The following PCSK5 variants were observed in gnomAD, a reference collection of about 807,000 sequenced individuals.
The protein encoded by PCSK5 is prohormone convertase 5.
PCSK5 carries 129 observed loss-of-function variants against 233.2 expected under a neutral mutation model. The ratio of observed to expected loss-of-function variants is 0.55; its 90% CI spans 0.48 to 0.64. The LOEUF (loss-of-function observed/expected upper bound fraction) is 0.64. Ranked by LOEUF, PCSK5 falls within the 30% of genes least tolerant of loss-of-function variation. The probability of loss-of-function intolerance (pLI) is 0.00; values close to 1 mark genes in which losing one functional copy is unlikely to be tolerated. For synonymous variants in PCSK5, 825 were observed against 879.2 expected, an observed-to-expected ratio of 0.94 and a Z score of 1.09; for missense variants, 2,076 against 2,430.1, an observed-to-expected ratio of 0.85 and a Z score of 3.06.
At chr9:75,973,585 G>C (rs568701056) in intron 2 of PCSK5, among the ~76,000 whole-genome samples, 5 of 152,306 alleles carry the variant, frequency 3.3e-5, no homozygotes, top group Non-Finnish European at 7.4e-5. Flanking sequence ...TGGCCTCCTG[G>C]ATCTCCGGGA....
At chr9:76,012,163 T>C (rs1183055261) in intron 3 of PCSK5, among the ~76,000 whole-genome samples, 3 of 152,214 alleles carry the variant, frequency 2.0e-5, no homozygotes, top group Admixed American at 2.0e-4. Context: ...GTTTCGACAG[T>C]TTACAGATGT....
At position 76,239,203 on chromosome 9, in the gene PCSK5, A is replaced by ATGGGAGGAGGGGC. The variant is rs759687426; in HGVS notation, c.3073+41_3073+53dup. The ATGGGAGGAGGGGC allele has an allele frequency of 4.9e-5, 74 of 1,497,474 alleles. 1 individual carries two copies. In the South Asian group the frequency reaches 8.1e-4, roughly 16 times the overall value. 92.8% of individuals were successfully genotyped at this position (1,497,474 alleles called of 1,614,324 possible). Reference sequence around the variant, plus strand: ...CTGGGCCCTTGCCCAGCACCCGAACATGGGAGGAGGGGCTGCACCCTGGAT... The same window carrying ATGGGAGGAGGGGC: ...CTGGGCCCTTGCCCAGCACCCGAACATGGGAGGAGGGGCTGGGAGGAGGGGCTGCACCCTGGAT... On this transcript the variant is annotated intron_variant, in intron 23 of 37. Transcript: ENST00000674117.
intron 3 of PCSK5, among the ~76,000 whole-genome samples, chr9:76,005,096 T>G (rs1432962005): frequency 6.6e-6 from 1 of 152,230 alleles, no homozygotes; most frequent in Non-Finnish European, 1.5e-5. Context: ...GAATCATAGT[T>G]ATTAACCATA....
intron 33 of PCSK5, among the ~76,000 whole-genome samples, chr9:76,330,177 TCC>T (rs1039716935): frequency 1.6e-4 from 25 of 152,056 alleles, no homozygotes; most frequent in Non-Finnish European, 7.4e-5. Flanking sequence ...GATTAAGAAA[TCC>T]CTCTTGAGCA....
At chr9:76,285,925 T>C (rs1013409139) in intron 24 of PCSK5, among the ~76,000 whole-genome samples, 3 of 152,180 alleles carry the variant, frequency 2.0e-5, no homozygotes, top group African/African-American at 7.2e-5. Context: ...AACTATTAAA[T>C]TTCTTTGGTA....
intron 10 of PCSK5, among the ~76,000 whole-genome samples, chr9:76,148,340 A>G (rs1587687597): frequency 2.7e-5 from 2 of 74,810 alleles, no homozygotes; most frequent in Admixed American, 1.4e-4. Context: ...AGAGGGAGGG[A>G]GTTTCTCTCT....
intron 21 of PCSK5, among the ~76,000 whole-genome samples, chr9:76,230,162 G>T (rs1380168894): frequency 6.6e-6 from 1 of 152,126 alleles, no homozygotes. Context: ...CAATATTTTG[G>T]GGGGAGGTTG....
At chr9:75,902,248 AG>A (rs1826076087) in intron 1 of PCSK5, among the ~76,000 whole-genome samples, 1 of 146,642 alleles carries the variant, frequency 6.8e-6, no homozygotes, top group African/African-American at 2.6e-5. Flanking sequence ...AAAAAAGAAA[AG>A]GACAAAACAA....
intron 8 of PCSK5, among the ~76,000 whole-genome samples, chr9:76,102,409 G>A (rs999911887): frequency 2.6e-5 from 4 of 152,088 alleles, no homozygotes; most frequent in African/African-American, 9.7e-5. Context: ...TGCTCATTGT[G>A]GTAGTTTTAG....
chr9:76,189,171 A>G lies in PCSK5; in HGVS notation c.2458A>G (p.Ile820Val), dbSNP rs1824245480. The G allele has an allele frequency of 6.2e-7, 1 of 1,608,676 alleles. No individual in the cohort carries two copies. The highest frequency in any genetic ancestry group is 1.3e-5 in the African/African-American group (1 of 74,846). The change falls in exon 19 of 38, where the codon ATC (isoleucine) becomes GTC (valine). Residue 820 changes from isoleucine (I) to valine (V), a missense_variant. Coordinates refer to ENST00000674117, the MANE Select transcript of PCSK5 (RefSeq NM_001372043.1). Reference sequence around the variant, plus strand: ...TGGGAGATGCGTGCAGAGCTGTAGTATCAGCTATTACTTTGACCACTCTTC... The same window carrying G: ...TGGGAGATGCGTGCAGAGCTGTAGTGTCAGCTATTACTTTGACCACTCTTC... ...EDGRCVQSCS[I>V]SYYFDHSSEN...
chr9:76,266,693 C>T (rs1827343215), intron 24 of PCSK5, among the ~76,000 whole-genome samples: 1 of 152,200 alleles, frequency 6.6e-6, no homozygotes, highest in Non-Finnish European at 1.5e-5. Context: ...AATAAACACT[C>T]ACAGACTTAA....
At chr9:76,070,979 T>C (rs1382447341) in intron 6 of PCSK5, among the ~76,000 whole-genome samples, 1 of 152,172 alleles carries the variant, frequency 6.6e-6, no homozygotes, top group Non-Finnish European at 1.5e-5. Context: ...GTGGTTGTTT[T>C]TATGAGCCTC....
At chr9:76,290,274 G>C (rs1828237507) in intron 24 of PCSK5, among the ~76,000 whole-genome samples, 2 of 152,184 alleles carry the variant, frequency 1.3e-5, no homozygotes, top group African/African-American at 4.8e-5. Context: ...AATGGGTTCA[G>C]ATCCCCAGCC....
At chr9:75,904,242 C>A (rs1274642737) in intron 1 of PCSK5, among the ~76,000 whole-genome samples, 3 of 152,088 alleles carry the variant, frequency 2.0e-5, no homozygotes, top group East Asian at 3.9e-4. Context: ...ATGAATTTGT[C>A]ACATATTTAT....
intron 9 of PCSK5, among the ~76,000 whole-genome samples, chr9:76,125,525 A>G (rs971752375): frequency 6.6e-6 from 1 of 152,222 alleles, no homozygotes; most frequent in Admixed American, 6.5e-5. Context: ...GAAAGTAATA[A>G]CAGTATTTGT....
chr9:75,917,693 A>G (rs967979864), intron 1 of PCSK5, among the ~76,000 whole-genome samples: 1 of 152,230 alleles, frequency 6.6e-6, no homozygotes, highest in Non-Finnish European at 1.5e-5. Flanking sequence ...CTGCTGATAT[A>G]ATTGTAAAGA....
At chr9:76,169,407 C>A (rs1204527853) in intron 12 of PCSK5, among the ~76,000 whole-genome samples, 1 of 152,082 alleles carries the variant, frequency 6.6e-6, no homozygotes, top group African/African-American at 2.4e-5. Context: ...CTTCAATACT[C>A]TACTGTCAGT....
chr9:75,984,356 G>A (rs1479533615), intron 2 of PCSK5, among the ~76,000 whole-genome samples: 1 of 152,164 alleles, frequency 6.6e-6, no homozygotes, highest in Non-Finnish European at 1.5e-5. Flanking sequence ...TCCGCAGTGG[G>A]GAAGACATGA....
At position 75,899,278 on chromosome 9, in the gene PCSK5, C is replaced by A. The variant is rs117217053; in HGVS notation, c.192+7905C>A. 7.6e-3 allele frequency among the ~76,000 whole-genome samples: 1,163 copies of A among 152,232 alleles called. 11 individuals carry two copies. Among genetic ancestry groups the A allele is most frequent in the Non-Finnish European group, 0.013 (853 of 68,014 alleles). ...AGCATTAGTTTATACTTAAGGTATA[C>A]AACATGATATTTTGATATACATATA... On this transcript the variant is annotated intron_variant, in intron 1 of 37. Coordinates refer to ENST00000674117, the MANE Select transcript of PCSK5 (RefSeq NM_001372043.1).
Sources: allele counts gnomAD v4.1 joint callset (sites outside exome capture counted in the v4.1 genomes callset), GRCh38; gene constraint gnomAD v4.1.1; transcripts MANE v1.5; gene names NCBI Gene and HGNC (gene_info 2026-07-23, HGNC 2026-07-21).